Variants in HPSE2 observed in about 807,000 individuals in gnomAD.
The protein encoded by HPSE2 is heparanase 2 (inactive), also known as inactive heparanase-2.
A neutral mutation model predicts 60.5 loss-of-function variants in HPSE2; 38 were observed. The observed-to-expected ratio is 0.63, with a 90% confidence interval of 0.48 to 0.82. HPSE2 has a LOEUF of 0.82. HPSE2 is among the 40% of genes least tolerant of loss of function. The pLI, the probability that HPSE2 is intolerant of heterozygous loss-of-function variation, is 0.00. For synonymous variants in HPSE2, 295 were observed against 293.2 expected (o/e 1.01, Z -0.06); for missense variants, 713 against 740.4 (o/e 0.96, Z 0.43).
the HPSE2 span, among the ~76,000 whole-genome samples, chr10:99,281,817 G>A: frequency 1.3e-5 from 2 of 152,124 alleles, no homozygotes; most frequent in Middle Eastern, 3.4e-3. Flanking sequence ...ATACCAGAAA[G>A]GCATTTCAGG....
chr10:99,010,518 G>C (rs968755869), intron 3 of HPSE2, among the ~76,000 whole-genome samples: 1 of 152,170 alleles, frequency 6.6e-6, no homozygotes, highest in African/African-American at 2.4e-5. Flanking sequence ...ATAAAGATAA[G>C]AACTTGTTTT....
At chr10:98,912,703 T>C (rs902249634) in intron 3 of HPSE2, among the ~76,000 whole-genome samples, 2 of 152,184 alleles carry the variant, frequency 1.3e-5, no homozygotes, top group Admixed American at 1.3e-4. Context: ...TCACATGTCC[T>C]CACTTATTTG....
the HPSE2 span, among the ~76,000 whole-genome samples, chr10:99,265,084 A>T: frequency 3.5e-4 from 53 of 152,332 alleles, no homozygotes; most frequent in African/African-American, 1.2e-3. Context: ...CTGAAGATCC[A>T]TAAAAGAAGT....
chr10:99,107,973 C>A (rs1170681001), intron 3 of HPSE2, among the ~76,000 whole-genome samples: 1 of 152,072 alleles, frequency 6.6e-6, no homozygotes, highest in Non-Finnish European at 1.5e-5. Context: ...GACCTTTTAA[C>A]AGCTTAAATC....
intron 3 of HPSE2, among the ~76,000 whole-genome samples, chr10:98,866,734 C>A (rs1317763720): frequency 6.6e-6 from 1 of 151,522 alleles, no homozygotes; most frequent in African/African-American, 2.4e-5. Flanking sequence ...ATAAAACAAA[C>A]AACAACAAGA....
chr10:98,832,465 G>T (rs1291738476), intron 3 of HPSE2, among the ~76,000 whole-genome samples: 2 of 152,162 alleles, frequency 1.3e-5, no homozygotes, highest in Non-Finnish European at 2.9e-5. Context: ...TCAAGTGAAA[G>T]CTGACAAACA....
chr10:98,487,505 G>A (rs1268279363), intron 10 of HPSE2, among the ~76,000 whole-genome samples: 2 of 152,178 alleles, frequency 1.3e-5, no homozygotes, highest in Admixed American at 6.5e-5. Flanking sequence ...CATTATTAAT[G>A]CTGTTATTTG....
At chr10:98,930,233 G>A (rs554726134) in intron 3 of HPSE2, among the ~76,000 whole-genome samples, 1 of 144,010 alleles carries the variant, frequency 6.9e-6, no homozygotes, top group Non-Finnish European at 1.5e-5. Flanking sequence ...AGAACATGCA[G>A]TGTTTGGTTT....
In HPSE2 at chr10:99,198,054, C is replaced by A. The variant is rs1415496754; in HGVS notation, c.448+34294G>T. Reference sequence around the variant, plus strand: ...CCACACTCCAGCTTGGGCAACAGAGCAAGACTCCGTCTCAAAAAAAAAAAA... The same window carrying A: ...CCACACTCCAGCTTGGGCAACAGAGAAAGACTCCGTCTCAAAAAAAAAAAA... On this transcript the variant is annotated intron_variant, in intron 2 of 11. Coordinates refer to ENST00000370552, the MANE Select transcript of HPSE2 (RefSeq NM_021828.5). Among the ~76,000 whole-genome samples the A allele has an allele frequency of 2.0e-5, 3 of 147,542 alleles. No individual in the cohort carries two copies. The Admixed American group carries it at 2.0e-4, about 10-fold the overall frequency.
chr10:98,635,600 G>A (rs1376454995), intron 7 of HPSE2, among the ~76,000 whole-genome samples: 2 of 152,022 alleles, frequency 1.3e-5, no homozygotes, highest in East Asian at 3.9e-4. Context: ...GGTCAACACA[G>A]CAAGACCTTG....
chr10:98,880,342 T>C (rs1952989186), intron 3 of HPSE2, among the ~76,000 whole-genome samples: 1 of 152,080 alleles, frequency 6.6e-6, no homozygotes, highest in African/African-American at 2.4e-5. Flanking sequence ...CAACTCTTTT[T>C]TGCCCCCTTC....
At chr10:98,852,109 T>C (rs962181532) in intron 3 of HPSE2, among the ~76,000 whole-genome samples, 4 of 94,696 alleles carry the variant, frequency 4.2e-5, no homozygotes, top group South Asian at 6.6e-4. Flanking sequence ...CCTTGTATAT[T>C]ATGATGTGTG....
chr10:99,183,518 C>T (rs1253811274), intron 2 of HPSE2, among the ~76,000 whole-genome samples: 3 of 152,218 alleles, frequency 2.0e-5, no homozygotes, highest in Non-Finnish European at 1.5e-5. Context: ...AAGATCACCA[C>T]ACTACATGCC....
chr10:98,824,576 G>A (rs1156779537), intron 3 of HPSE2, among the ~76,000 whole-genome samples: 1 of 152,152 alleles, frequency 6.6e-6, no homozygotes, highest in Non-Finnish European at 1.5e-5. Context: ...ATTTTTAGGT[G>A]CCTTCAGAAA....
chr10:98,612,500 C>T (rs1024198701), intron 9 of HPSE2, among the ~76,000 whole-genome samples: 3 of 152,206 alleles, frequency 2.0e-5, no homozygotes, highest in African/African-American at 7.2e-5. Context: ...CAGTTCACTA[C>T]ATTGTAAACT....
At chr10:99,223,244 G>A (rs1249230154) in intron 2 of HPSE2, among the ~76,000 whole-genome samples, 1 of 152,110 alleles carries the variant, frequency 6.6e-6, no homozygotes, top group Non-Finnish European at 1.5e-5. Flanking sequence ...TCCTCATAGG[G>A]TTGATGGAAG....
chr10:99,294,621 A>G, the HPSE2 span, among the ~76,000 whole-genome samples: 7 of 151,654 alleles, frequency 4.6e-5, no homozygotes, highest in African/African-American at 1.7e-4. Context: ...ACTGGGAGAG[A>G]TATTTCAAGA....
At chr10:98,696,997 A>C (rs1192342642) in intron 5 of HPSE2, among the ~76,000 whole-genome samples, 2 of 152,216 alleles carry the variant, frequency 1.3e-5, no homozygotes, top group Admixed American at 1.3e-4. Flanking sequence ...TCCAAGGGTC[A>C]GCAGCCTCAA....
intron 3 of HPSE2, among the ~76,000 whole-genome samples, chr10:98,992,862 C>T (rs1956557744): frequency 6.6e-6 from 1 of 152,164 alleles, no homozygotes; most frequent in Non-Finnish European, 1.5e-5. Flanking sequence ...CCAATCCTGG[C>T]TATAATTCTT....
Sources: gnomAD v4.1 joint callset for allele counts (sites outside exome capture counted in the v4.1 genomes callset) on GRCh38, gnomAD v4.1.1 for gene constraint, MANE v1.5 for transcripts, NCBI Gene and HGNC (gene_info 2026-07-23, HGNC 2026-07-21) for gene names.